The following NOS1AP variants were observed in gnomAD, a reference collection of about 807,000 sequenced individuals.
NOS1AP encodes nitric oxide synthase 1 adaptor protein, also known as carboxyl-terminal PDZ ligand of neuronal nitric oxide synthase protein.
Under a neutral mutation model 56.2 loss-of-function variants are expected in NOS1AP, and 21 were observed. That is an observed-to-expected ratio of 0.37 (90% confidence interval 0.26 to 0.54). The LOEUF (loss-of-function observed/expected upper bound fraction) is 0.54. NOS1AP is among the 20% of genes least tolerant of loss of function. The pLI is 0.84. For synonymous variants in NOS1AP, 270 were observed against 274.6 expected (o/e 0.98, Z 0.17); for missense variants, 522 against 657.8 (o/e 0.79, Z 2.26).
chr1:162,247,259 G>T (rs1310718806), intron 2 of NOS1AP, among the ~76,000 whole-genome samples: 1 of 152,098 alleles, frequency 6.6e-6, no homozygotes, highest in African/African-American at 2.4e-5. Context: ...CCTTCTATCT[G>T]ATCCCTCAGG....
At chr1:162,316,179 A>T (rs1054457066) in intron 4 of NOS1AP, among the ~76,000 whole-genome samples, 2 of 152,238 alleles carry the variant, frequency 1.3e-5, no homozygotes, top group African/African-American at 4.8e-5. Context: ...CACAGCCCAT[A>T]TGTGAAGGTA....
intron 2 of NOS1AP, among the ~76,000 whole-genome samples, chr1:162,170,426 G>A (rs574305395): frequency 4.6e-5 from 7 of 152,212 alleles, no homozygotes; most frequent in Non-Finnish European, 1.0e-4. Context: ...GTCCACCTGG[G>A]CCTTCTGAAT....
chr1:162,322,075 T>TA (rs1356560233), intron 4 of NOS1AP, among the ~76,000 whole-genome samples: 3 of 151,774 alleles, frequency 2.0e-5, no homozygotes, highest in Admixed American at 6.6e-5. Flanking sequence ...AAATAATTTC[T>TA]AAAAAACACA....
chr1:162,208,933 G>A lies in NOS1AP; in HGVS notation c.177+54457G>A, dbSNP rs542836671. Among the ~76,000 whole-genome samples the A allele has an allele frequency of 5.3e-5, 8 of 152,288 alleles. No homozygotes were observed. The South Asian group carries it at 6.2e-4, about 12-fold the overall frequency. On this transcript the variant is annotated intron_variant, in intron 2 of 9. Transcript: ENST00000361897. ...CATATTCATCATCTTCTATTAGCTC[G>A]TATTAAATAAATGCTTAGAATTTTC...
intron 1 of NOS1AP, among the ~76,000 whole-genome samples, chr1:162,100,378 G>A (rs1199000358): frequency 6.6e-6 from 1 of 152,160 alleles, no homozygotes; most frequent in Non-Finnish European, 1.5e-5. Flanking sequence ...TTTCTCTGAT[G>A]GCCAGTGATG....
intron 2 of NOS1AP, among the ~76,000 whole-genome samples, chr1:162,191,107 C>T (rs965856997): frequency 3.3e-5 from 5 of 152,294 alleles, no homozygotes; most frequent in Middle Eastern, 3.4e-3. Context: ...GGTCCACCAC[C>T]GTCTAACACC....
At chr1:162,082,373 T>A (rs1231804377) in intron 1 of NOS1AP, among the ~76,000 whole-genome samples, 2 of 152,236 alleles carry the variant, frequency 1.3e-5, no homozygotes, top group African/African-American at 4.8e-5. Context: ...GTGTCTTCAC[T>A]GTTGTGAATA....
chr1:162,271,073 G>A (rs1016740218), intron 2 of NOS1AP, among the ~76,000 whole-genome samples: 2 of 152,130 alleles, frequency 1.3e-5, no homozygotes, highest in Non-Finnish European at 2.9e-5. Flanking sequence ...TAGGCAATGG[G>A]GTATTATAGA....
At chr1:162,302,376 A>G (rs1655694864) in intron 4 of NOS1AP, among the ~76,000 whole-genome samples, 1 of 152,206 alleles carries the variant, frequency 6.6e-6, no homozygotes, top group Non-Finnish European at 1.5e-5. Flanking sequence ...GAAGGGAACA[A>G]TTATCTTCTA....
intron 2 of NOS1AP, among the ~76,000 whole-genome samples, chr1:162,258,050 C>T (rs531254112): frequency 1.3e-5 from 2 of 152,140 alleles, no homozygotes; most frequent in Admixed American, 6.5e-5. Context: ...TTCTCCAGTG[C>T]TCATTTCCTC....
At chr1:162,298,319 G>C (rs1655536631) in intron 3 of NOS1AP, among the ~76,000 whole-genome samples, 1 of 152,220 alleles carries the variant, frequency 6.6e-6, no homozygotes, top group African/African-American at 2.4e-5. Context: ...CTGTGGAGAA[G>C]CTACACTTCC....
chr1:162,318,420 C>T (rs529136452), intron 4 of NOS1AP, among the ~76,000 whole-genome samples: 2 of 152,300 alleles, frequency 1.3e-5, no homozygotes, highest in South Asian at 4.1e-4. Flanking sequence ...ATCCCTGGCT[C>T]GCTTTCTGTC....
chr1:162,119,540 C>T (rs537172564), intron 1 of NOS1AP, among the ~76,000 whole-genome samples: 5 of 152,234 alleles, frequency 3.3e-5, no homozygotes, highest in Middle Eastern at 6.8e-3. Flanking sequence ...AAAATATAAG[C>T]AAAGGACTCG....
intron 2 of NOS1AP, among the ~76,000 whole-genome samples, chr1:162,178,375 C>CT (rs1394614903): frequency 3.9e-5 from 6 of 152,188 alleles, no homozygotes; most frequent in Non-Finnish European, 8.8e-5. Flanking sequence ...AAGACTGTGA[C>CT]TGCTGAATGA....
chr1:162,364,971 A>G (rs1489277829), intron 8 of NOS1AP: 1 of 1,046,702 alleles, frequency 9.6e-7, no homozygotes, highest in African/African-American at 1.7e-5. Context: ...AGAAGACAGG[A>G]TGAGAAGAGA....
At chr1:162,094,406 T>G (rs1692194734) in intron 1 of NOS1AP, among the ~76,000 whole-genome samples, 1 of 152,100 alleles carries the variant, frequency 6.6e-6, no homozygotes, top group Non-Finnish European at 1.5e-5. Flanking sequence ...GTGTGCTGAG[T>G]CAGACTCAGT....
At chr1:162,244,023 T>C (rs560818194) in intron 2 of NOS1AP, among the ~76,000 whole-genome samples, 5 of 152,214 alleles carry the variant, frequency 3.3e-5, no homozygotes, top group Non-Finnish European at 5.9e-5. Context: ...ACCATATCAT[T>C]GGCACAGACT....
chr1:162,329,651 C>T lies in NOS1AP; in HGVS notation c.345-3366C>T, dbSNP rs12041731. The stretch of plus-strand genomic sequence containing the variant: ...ACTCTCCCCCAATTTCTACCACCCC[C>T]ACAATCACAGTGCTTAAGAAAACCA... On this transcript the variant is annotated intron_variant, in intron 4 of 9. Transcript: ENST00000361897. 8.9e-4 allele frequency among the ~76,000 whole-genome samples: 135 copies of T among 152,244 alleles called. No individual in the cohort carries two copies. The East Asian group carries it at 0.021, about 24-fold the overall frequency.
At chr1:162,279,015 G>A (rs750885870) in intron 2 of NOS1AP, among the ~76,000 whole-genome samples, 23 of 152,104 alleles carry the variant, frequency 1.5e-4, no homozygotes, top group Non-Finnish European at 2.6e-4. Flanking sequence ...AGAATTGACC[G>A]GAGTAGGGTT....
Sources: gnomAD v4.1 joint callset for allele counts (sites outside exome capture counted in the v4.1 genomes callset) on GRCh38, gnomAD v4.1.1 for gene constraint, MANE v1.5 for transcripts, NCBI Gene and HGNC (gene_info 2026-07-23, HGNC 2026-07-21) for gene names.